The following SPATS2L variants were observed in gnomAD, a reference collection of about 807,000 sequenced individuals.
SPATS2L encodes the protein spermatogenesis associated serine rich 2 like.
In SPATS2L, 30 loss-of-function variants were observed where a neutral mutation model predicts 59.6. That is an observed-to-expected ratio of 0.50 (90% CI 0.38 to 0.68). The LOEUF (loss-of-function observed/expected upper bound fraction) is 0.68, where lower values mean the gene tolerates loss of function less well. Among genes scored for constraint, SPATS2L ranks in the 30% least tolerant of loss-of-function variants. SPATS2L has a pLI of 0.00. For synonymous variants in SPATS2L, 252 were observed against 263.5 expected, an observed-to-expected ratio of 0.96 and a Z score of 0.42; for missense variants, 615 against 700.0, an observed-to-expected ratio of 0.88 and a Z score of 1.37.
At chr2:200,379,398 C>T (rs745556593) in intron 2 of SPATS2L, among the ~76,000 whole-genome samples, 7 of 152,118 alleles carry the variant, frequency 4.6e-5, no homozygotes, top group Non-Finnish European at 8.8e-5. Flanking sequence ...GCTGGGTATA[C>T]GGTAAGAGTT....
At chr2:200,455,550 C>T (rs989923698) in intron 8 of SPATS2L, among the ~76,000 whole-genome samples, 3 of 152,190 alleles carry the variant, frequency 2.0e-5, no homozygotes, top group Admixed American at 6.5e-5. Context: ...GCTCACATTT[C>T]GAGGCAACTG....
intron 2 of SPATS2L, among the ~76,000 whole-genome samples, chr2:200,364,934 C>T (rs1286790969): frequency 5.3e-5 from 8 of 152,118 alleles, no homozygotes; most frequent in East Asian, 1.9e-4. Context: ...CTTATTTTTG[C>T]TTTGTTTTGT....
upstream of SPATS2L, chr2:200,305,919 T>TAA (rs923388708): frequency 3.1e-6 from 1 of 320,700 alleles, no homozygotes; most frequent in Non-Finnish European, 4.5e-6. Context: ...GAGTGTTATC[T>TAA]AAAGTGCTTC....
chr2:200,415,504 C>T (rs2083023854), intron 4 of SPATS2L, among the ~76,000 whole-genome samples: 1 of 151,898 alleles, frequency 6.6e-6, no homozygotes, highest in African/African-American at 2.4e-5. Flanking sequence ...AAATACTGTG[C>T]CTATTTATTT....
At chr2:200,463,930 A>G (rs1225765408) in intron 9 of SPATS2L, among the ~76,000 whole-genome samples, 2 of 152,252 alleles carry the variant, frequency 1.3e-5, no homozygotes, top group African/African-American at 2.4e-5. Context: ...CAGATTTTCT[A>G]TGGTTCAGAT....
intron 6 of SPATS2L, among the ~76,000 whole-genome samples, chr2:200,423,404 G>A (rs1270874381): frequency 1.3e-5 from 2 of 152,166 alleles, no homozygotes; most frequent in Non-Finnish European, 2.9e-5. Flanking sequence ...TGAGTAGAAT[G>A]TTGGAACTAG....
chr2:200,387,889 G>A (rs535929789), intron 2 of SPATS2L, among the ~76,000 whole-genome samples: 2 of 152,230 alleles, frequency 1.3e-5, no homozygotes, highest in South Asian at 2.1e-4. Context: ...CTTAAGATCT[G>A]TCTTCCATTA....
intron 2 of SPATS2L, among the ~76,000 whole-genome samples, chr2:200,358,221 A>T (rs1004749616): frequency 7.2e-5 from 11 of 152,204 alleles, no homozygotes; most frequent in African/African-American, 2.7e-4. Context: ...ATCTTAGGAG[A>T]CCATTTTCAG....
At chr2:200,428,596 C>T (rs901542430) in intron 6 of SPATS2L, among the ~76,000 whole-genome samples, 3 of 152,202 alleles carry the variant, frequency 2.0e-5, no homozygotes, top group African/African-American at 7.2e-5. Context: ...AACTCATCTT[C>T]CTAGTTCTGG....
At chr2:200,425,227 A>G (rs917814729) in intron 6 of SPATS2L, among the ~76,000 whole-genome samples, 9 of 147,982 alleles carry the variant, frequency 6.1e-5, no homozygotes, top group African/African-American at 2.0e-4. Context: ...GGTTCCCCAC[A>G]GGTTGTTCAA....
At chr2:200,430,263 T>G (rs945743238) in intron 6 of SPATS2L, among the ~76,000 whole-genome samples, 6 of 152,130 alleles carry the variant, frequency 3.9e-5, no homozygotes, top group African/African-American at 1.4e-4. Context: ...ATAAAATACA[T>G]GGAGAAGTGT....
chr2:200,399,442 T>C (rs1389396689), intron 3 of SPATS2L, among the ~76,000 whole-genome samples: 1 of 152,244 alleles, frequency 6.6e-6, no homozygotes, highest in Non-Finnish European at 1.5e-5. Context: ...ACTGTGTATA[T>C]ATACCACATT....
intron 5 of SPATS2L, among the ~76,000 whole-genome samples, chr2:200,417,029 G>A (rs143826065): frequency 1.4e-3 from 219 of 152,270 alleles, no homozygotes; most frequent in Middle Eastern, 3.4e-3. Context: ...CTTTCTTGTC[G>A]AGTCACAAAG....
chr2:200,473,046 C>T lies in SPATS2L; in HGVS notation c.1275C>T (p.Asn425=), dbSNP rs201057934. 1.4e-4 allele frequency: 225 copies of T among 1,608,492 alleles called. 1 individual carries two copies. In the South Asian group the frequency reaches 2.1e-3, roughly 15 times the overall value. ...CCTCTCACCAGACCATGCCGGCCAA[C>T]AAGCAGGTAAGCCGACACTGGTGCA... The part of the protein sequence containing the change: ...ADPSHQTMPA[N]KQNGSSNQRR... Residue 425 remains asparagine (N), a synonymous_variant, in exon 12 of 13, where the codon AAC becomes AAT. Coordinates refer to ENST00000409140, the MANE Select transcript of SPATS2L (RefSeq NM_001100423.2).
chr2:200,368,124 C>T (rs1399642162), intron 2 of SPATS2L, among the ~76,000 whole-genome samples: 1 of 152,044 alleles, frequency 6.6e-6, no homozygotes, highest in Non-Finnish European at 1.5e-5. Context: ...GGGTTGTTTC[C>T]GTGGAGCAGG....
At chr2:200,329,607 C>T in intron 2 of SPATS2L, 127 bp downstream of exon 2, 1 of 758,346 alleles carries the variant, frequency 1.3e-6, no homozygotes, top group East Asian at 2.7e-5. Flanking sequence ...CCTCTCAGGG[C>T]TCAACACCAG....
intron 2 of SPATS2L, among the ~76,000 whole-genome samples, chr2:200,384,225 G>A (rs2081917583): frequency 6.6e-6 from 1 of 152,168 alleles, no homozygotes; most frequent in African/African-American, 2.4e-5. Flanking sequence ...TAAGCTAATA[G>A]ATTTTCTGGC....
At chr2:200,434,424 A>G (rs999099298) in intron 6 of SPATS2L, among the ~76,000 whole-genome samples, 2 of 152,052 alleles carry the variant, frequency 1.3e-5, no homozygotes, top group Non-Finnish European at 2.9e-5. Flanking sequence ...AGAAGAAGTT[A>G]GACTTCATTA....
chr2:200,419,567 C>G, intron 6 of SPATS2L, 71 bp downstream of exon 6: 1 of 1,541,412 alleles, frequency 6.5e-7, no homozygotes, highest in Non-Finnish European at 8.9e-7. Flanking sequence ...CTCATTGGGG[C>G]TGCTGTTGAT....
Sources: gnomAD v4.1 joint callset for allele counts (sites outside exome capture counted in the v4.1 genomes callset) on GRCh38, gnomAD v4.1.1 for gene constraint, MANE v1.5 for transcripts, NCBI Gene and HGNC (gene_info 2026-07-23, HGNC 2026-07-21) for gene names.